The following BPTF variants were observed in gnomAD, a reference collection of about 807,000 sequenced individuals.
BPTF encodes the protein nucleosome-remodeling factor subunit BPTF.
In BPTF, 18 loss-of-function variants were observed where a neutral mutation model predicts 292.5. That is an observed-to-expected ratio of 0.06 (90% CI 0.04 to 0.09). BPTF has a LOEUF of 0.09. BPTF is among the 10% of genes least tolerant of loss of function. The probability of loss-of-function intolerance (pLI) is 1.00; values close to 1 mark genes in which losing one functional copy is unlikely to be tolerated. For synonymous variants in BPTF, 1,225 were observed against 1,251.9 expected (o/e 0.98, Z 0.45); for missense variants, 2,726 against 3,498.7 (o/e 0.78, Z 5.57).
At position 67,875,022 on chromosome 17, in the gene BPTF, T is replaced by TA. The variant is rs753376936; in HGVS notation, c.1864+9dup. 6.2e-5 allele frequency: 99 copies of TA among 1,595,252 alleles called. No individual in the cohort carries two copies. In the Admixed American group the frequency reaches 9.5e-4, roughly 15 times the overall value. On this transcript the variant is annotated splice_region_variant and intron_variant, in intron 4 of 27. Coordinates refer to ENST00000306378, the MANE Select transcript of BPTF (RefSeq NM_182641.4). Reference sequence around the variant, plus strand: ...ACCCTGAGCAAGGAAAATCTGAGGGTAAAAAAATTACTTGATTAAAAAGAA... The same window carrying TA: ...ACCCTGAGCAAGGAAAATCTGAGGGTAAAAAAAATTACTTGATTAAAAAGAA...
At position 67,928,532 on chromosome 17, in the gene BPTF, A is replaced by G; in HGVS notation, c.5929A>G (p.Thr1977Ala). The G allele has an allele frequency of 6.2e-7, 1 of 1,614,224 alleles. No homozygotes were observed. The highest frequency in any genetic ancestry group is 8.5e-7 in the Non-Finnish European group (1 of 1,180,030). ...TTKVGSPATV[T>A]FQQNKNFHQT... ...TAAAGTTGGATCTCCAGCTACAGTAACATTCCAACAAAACAAGAACTTTCA... is the reference window on the plus strand; with the variant it reads ...TAAAGTTGGATCTCCAGCTACAGTAGCATTCCAACAAAACAAGAACTTTCA... Residue 1977 changes from threonine (T) to alanine (A), a missense_variant, in exon 16 of 28, where the codon ACA becomes GCA. Transcript: ENST00000306378.
At chr17:67,834,784 A>G (rs2056997102) in intron 1 of BPTF, among the ~76,000 whole-genome samples, 1 of 152,152 alleles carries the variant, frequency 6.6e-6, no homozygotes, top group Admixed American at 6.5e-5. Context: ...TGCCTGGTTC[A>G]ATCTCTTGAA....
intron 7 of BPTF, among the ~76,000 whole-genome samples, chr17:67,903,346 A>G (rs2061976338): frequency 6.6e-6 from 1 of 152,246 alleles, no homozygotes; most frequent in South Asian, 2.1e-4. Flanking sequence ...AAATTATGGC[A>G]TATCCATGCA....
intron 10 of BPTF, 141 bp downstream of exon 10, chr17:67,909,902 C>A: frequency 1.6e-6 from 1 of 623,286 alleles, no homozygotes; most frequent in Non-Finnish European, 2.4e-6. Context: ...TACAATTCAC[C>A]CAATTAAAGT....
Position 67,913,025 on chromosome 17 carries a change from A to AGAG in BPTF, c.5142_5144dup (p.Lys1714_Ser1715insArg). ...CCATCCTATAGAAAATTTGTTACCA[A>AGAG]GAGCAGCAAGAAGAGCATTTTTGTT... On this transcript the variant is annotated inframe_insertion, in exon 11 of 28. Coordinates refer to ENST00000306378, the MANE Select transcript of BPTF (RefSeq NM_182641.4). 3 of 1,614,234 alleles carry AGAG rather than the reference A, an allele frequency of 1.9e-6. No individual in the cohort carries two copies. Among genetic ancestry groups the AGAG allele is most frequent in the Non-Finnish European group, 2.5e-6 (3 of 1,180,044 alleles).
rs782603546 is a variant in BPTF, at chr17:67,944,350, CACT to C, written c.6679_6681del (p.Thr2227del). 24 of 1,613,452 alleles carry C rather than the reference CACT, an allele frequency of 1.5e-5. No individual in the cohort carries two copies. The East Asian group carries it at 3.3e-4, about 22-fold the overall frequency. On this transcript the variant is annotated inframe_deletion, in exon 20 of 28. Coordinates refer to ENST00000306378, the MANE Select transcript of BPTF (RefSeq NM_182641.4). ...CCACCACAGCCAGCACCACCACCAC[CACT>C]GTTTCCACGACAGCAGCAGGTAGAG... is the stretch of plus-strand genomic sequence containing the variant.
At chr17:67,929,625 A>C in intron 17 of BPTF, 138 bp downstream of exon 17, 1 of 994,380 alleles carries the variant, frequency 1.0e-6, no homozygotes, top group Non-Finnish European at 1.4e-6. Flanking sequence ...GATTTGGAAA[A>C]AAATCTGTTA....
intron 4 of BPTF, among the ~76,000 whole-genome samples, chr17:67,878,981 C>T (rs1473645239): frequency 2.0e-5 from 3 of 151,934 alleles, no homozygotes; most frequent in South Asian, 2.1e-4. Flanking sequence ...TTTGCATTTA[C>T]TTTCATGAGT....
chr17:67,940,755 G>A lies in BPTF; in HGVS notation c.6477+99G>A, dbSNP rs1012474826. On this transcript the variant is annotated intron_variant, in intron 19 of 27. Coordinates refer to ENST00000306378, the MANE Select transcript of BPTF (RefSeq NM_182641.4). ...CTTATTTTGATACGTTTTTAAATGT[G>A]CTGATTTGAAGAAATGGTTGCTTCC... 4 of 1,324,588 alleles carry A rather than the reference G, an allele frequency of 3.0e-6. No individual in the cohort carries two copies. In the Admixed American group the frequency reaches 9.0e-5, roughly 30 times the overall value. 82.1% of individuals were successfully genotyped at this position (1,324,588 alleles called of 1,614,324 possible).
intron 3 of BPTF, among the ~76,000 whole-genome samples, chr17:67,869,109 A>C (rs1260255408): frequency 6.6e-6 from 1 of 152,180 alleles, no homozygotes; most frequent in African/African-American, 2.4e-5. Context: ...CAGCCAGCTT[A>C]CTTCCCCCCT....
At chr17:67,871,050 C>T (rs913913029) in intron 3 of BPTF, among the ~76,000 whole-genome samples, 4 of 151,994 alleles carry the variant, frequency 2.6e-5, no homozygotes, top group African/African-American at 9.7e-5. Flanking sequence ...GGATTACAGG[C>T]GTGAGCCACC....
At chr17:67,928,108 T>C (rs2064069963) in intron 15 of BPTF, among the ~76,000 whole-genome samples, 1 of 152,120 alleles carries the variant, frequency 6.6e-6, no homozygotes, top group Admixed American at 6.6e-5. Flanking sequence ...GGTCTCGAAC[T>C]CCTGACCTCA....
chr17:67,833,664 G>T (rs2056907893), intron 1 of BPTF, among the ~76,000 whole-genome samples: 1 of 151,760 alleles, frequency 6.6e-6, no homozygotes, highest in Non-Finnish European at 1.5e-5. Flanking sequence ...TGCCTTCTGG[G>T]TTCAAGTGAT....
chr17:67,925,254 A>G (rs1257477242), intron 15 of BPTF, among the ~76,000 whole-genome samples: 1 of 152,104 alleles, frequency 6.6e-6, no homozygotes, highest in Non-Finnish European at 1.5e-5. Context: ...TGAATTTCCA[A>G]TCTGGAAAAT....
intron 4 of BPTF, among the ~76,000 whole-genome samples, chr17:67,878,425 C>T (rs62084248): frequency 0.2 from 30,993 of 152,056 alleles, 3,973 homozygotes; most frequent in East Asian, 0.66. Flanking sequence ...TTTTCTAGGT[C>T]ATGGAGCTGG....
chr17:67,875,846 A>C, intron 4 of BPTF: 4 of 1,023,908 alleles, frequency 3.9e-6, no homozygotes, highest in Non-Finnish European at 5.1e-6. Context: ...GTGTTCATTC[A>C]TGCTGCTTGC....
intron 23 of BPTF, among the ~76,000 whole-genome samples, chr17:67,950,232 A>ACCTGG (rs2066217158): frequency 6.6e-6 from 1 of 151,786 alleles, no homozygotes; most frequent in African/African-American, 2.4e-5. Flanking sequence ...TTGCCCTCCA[A>ACCTGG]CCTGGGCGAC....
chr17:67,969,824 G>A (rs2068566631), intron 26 of BPTF, among the ~76,000 whole-genome samples: 1 of 152,128 alleles, frequency 6.6e-6, no homozygotes, highest in Non-Finnish European at 1.5e-5. Flanking sequence ...TGCTCAGGAG[G>A]CTGAGGCAGG....
chr17:67,968,076 C>G (rs117263029), intron 26 of BPTF, among the ~76,000 whole-genome samples: 540 of 151,362 alleles, frequency 3.6e-3, no homozygotes, highest in Non-Finnish European at 6.6e-3. Flanking sequence ...GTAATCGTAT[C>G]AACACGAATG....
Sources: allele counts gnomAD v4.1 joint callset (sites outside exome capture counted in the v4.1 genomes callset), GRCh38; gene constraint gnomAD v4.1.1; transcripts MANE v1.5; gene names NCBI Gene and HGNC (gene_info 2026-07-23, HGNC 2026-07-21).